The following SETD2 variants were observed in gnomAD, a reference collection of about 807,000 sequenced individuals.
SETD2 encodes the protein SET domain containing 2, histone lysine methyltransferase, also known as histone-lysine N-methyltransferase SETD2.
In SETD2, 31 loss-of-function variants were observed where a neutral mutation model predicts 242.1. That is an observed-to-expected ratio of 0.13 (90% CI 0.10 to 0.17). SETD2 has a LOEUF of 0.17. SETD2 is among the 10% of genes least tolerant of loss of function. The probability of loss-of-function intolerance (pLI) is 1.00; values close to 1 mark genes in which losing one functional copy is unlikely to be tolerated. For missense variants in SETD2, 2,481 were observed against 3,046.3 expected, an observed-to-expected ratio of 0.81 and a Z score of 4.37; for synonymous variants, 1,006 against 1,066.5, an observed-to-expected ratio of 0.94 and a Z score of 1.11.
rs529665591 is a variant in SETD2, at chr3:47,088,487, A to C, written c.5143-240T>G. Among the ~76,000 whole-genome samples the C allele has an allele frequency of 3.4e-3, 291 of 86,634 alleles. 3 individuals carry two copies. Among genetic ancestry groups the C allele is most frequent in the African/African-American group, 0.015 (266 of 17,960 alleles). The allele number at this position is 86,634 out of a possible 152,430, so 56.8% of individuals were successfully genotyped here. ...CATTTCATTCACTCATCAAATACGT[A>C]GCAAGAACTTATATGAGTCAAGTAT... On this transcript the variant is annotated intron_variant, in intron 9 of 20. Transcript: ENST00000409792.
In SETD2 at chr3:47,121,114, T is replaced by C. The variant is rs2106640175; in HGVS notation, c.3522A>G (p.Thr1174=). The C allele has an allele frequency of 6.2e-7, 1 of 1,614,152 alleles. No individual in the cohort carries two copies. The highest frequency in any genetic ancestry group is 8.5e-7 in the Non-Finnish European group (1 of 1,180,010). ...GACCCAGAGGGTCAGATTTCACATC[T>C]GTATGACTTGTACTATCAACCCCAT... ...QSDGVDSTSH[T]DVKSDPLGHP... is the part of the protein sequence containing the mutation. Residue 1174 remains threonine, a synonymous_variant, in exon 3 of 21, where the codon ACA becomes ACG. Transcript: ENST00000409792.
intron 14 of SETD2, among the ~76,000 whole-genome samples, chr3:47,060,349 T>C (rs1301734660): frequency 1.3e-5 from 2 of 151,992 alleles, no homozygotes; most frequent in Admixed American, 1.3e-4. Context: ...GTGGGTAGGG[T>C]TCTAAGGAAG....
intron 1 of SETD2, among the ~76,000 whole-genome samples, chr3:47,127,066 A>G (rs1269391501): frequency 2.6e-5 from 4 of 152,156 alleles, no homozygotes; most frequent in African/African-American, 9.7e-5. Flanking sequence ...AATGCAAAGA[A>G]TTTTTCCTGC....
intron 15 of SETD2, among the ~76,000 whole-genome samples, chr3:47,047,841 C>A (rs2039598302): frequency 6.6e-6 from 1 of 152,140 alleles, no homozygotes. Flanking sequence ...CTGAGAAATG[C>A]ATTGTTAGGA....
chr3:47,119,509 T>C (rs2042988266), intron 3 of SETD2: 1 of 169,050 alleles, frequency 5.9e-6, no homozygotes, highest in South Asian at 1.2e-4. Flanking sequence ...AACTGAATCA[T>C]GGGGGCCGGC....
chr3:47,067,122 C>CA lies in SETD2; in HGVS notation c.6061-5dup. Reference sequence around the variant, plus strand: ...TCTTTGGAATTCGATATACCTCCTGCAAAAAATAAACCAGAGGGAGGGTTA... The same window carrying CA: ...TCTTTGGAATTCGATATACCTCCTGCAAAAAAATAAACCAGAGGGAGGGTTA... On this transcript the variant is annotated splice_polypyrimidine_tract_variant and splice_region_variant and intron_variant, in intron 12 of 20. Transcript: ENST00000409792. The CA allele has an allele frequency of 6.2e-7, 1 of 1,609,552 alleles. No individual in the cohort carries two copies. The highest frequency in any genetic ancestry group is 1.1e-5 in the South Asian group (1 of 90,932).
At chr3:47,050,465 T>C (rs1206597156) in intron 15 of SETD2, among the ~76,000 whole-genome samples, 4 of 152,136 alleles carry the variant, frequency 2.6e-5, no homozygotes, top group Non-Finnish European at 5.9e-5. Context: ...TGTATTTATG[T>C]ACAGGCTGAG....
At chr3:47,131,495 C>A (rs558141082) in intron 1 of SETD2, among the ~76,000 whole-genome samples, 1 of 151,922 alleles carries the variant, frequency 6.6e-6, no homozygotes, top group South Asian at 2.1e-4. Flanking sequence ...AGGCGCCCAC[C>A]ACCACACCCG....
At chr3:47,105,363 T>C (rs887395307) in intron 6 of SETD2, among the ~76,000 whole-genome samples, 1 of 141,796 alleles carries the variant, frequency 7.1e-6, no homozygotes, top group African/African-American at 2.7e-5. Flanking sequence ...TGAGCCAAGA[T>C]GGCACCACTG....
chr3:47,117,238 G>GA (rs939270772), intron 3 of SETD2, among the ~76,000 whole-genome samples: 1 of 114,156 alleles, frequency 8.8e-6, no homozygotes, highest in African/African-American at 3.7e-5. Context: ...TTGTGAGACT[G>GA]AAAATCCTAA....
intron 1 of SETD2, among the ~76,000 whole-genome samples, chr3:47,137,911 A>G (rs1303642541): frequency 6.6e-6 from 1 of 150,506 alleles, no homozygotes; most frequent in Non-Finnish European, 1.5e-5. Flanking sequence ...CTGGTCTCGA[A>G]CTCCTGACCT....
At chr3:47,029,619 C>T (rs1158815666) in intron 18 of SETD2, among the ~76,000 whole-genome samples, 1 of 151,952 alleles carries the variant, frequency 6.6e-6, no homozygotes, top group African/African-American at 2.4e-5. Context: ...TTTGACCTGA[C>T]AGGAAGATAT....
At chr3:47,084,422 T>A (rs1200313507) in intron 11 of SETD2, 40 bp from the exon 12 acceptor site, 3 of 1,348,062 alleles carry the variant, frequency 2.2e-6, no homozygotes, top group Non-Finnish European at 3.0e-6. Context: ...CTTTGTACAG[T>A]TGACTTTTTT....
In SETD2 at chr3:47,122,704, A is replaced by G. The variant is rs2106685303; in HGVS notation, c.1932T>C (p.Asp644=). The change falls in exon 3 of 21, where the codon GAT becomes GAC. Residue 644 remains aspartate, a synonymous_variant. Coordinates refer to ENST00000409792, the MANE Select transcript of SETD2 (RefSeq NM_014159.7). Reference sequence around the variant, plus strand: ...CTAATTCCTTAATACTATCATGGCTATCATGTGTTATAAATTCGGACTTAA... The same window carrying G: ...CTAATTCCTTAATACTATCATGGCTGTCATGTGTTATAAATTCGGACTTAA... ...PIFKSEFITH[D]SHDSIKELDS... is the part of the protein sequence containing the mutation. 2 of 1,612,020 alleles carry G rather than the reference A, an allele frequency of 1.2e-6. No individual in the cohort carries two copies. The highest frequency in any genetic ancestry group is 8.5e-7 in the Non-Finnish European group (1 of 1,179,270).
intron 18 of SETD2, among the ~76,000 whole-genome samples, chr3:47,029,982 C>G (rs986348384): frequency 2.0e-5 from 3 of 151,420 alleles, no homozygotes; most frequent in Non-Finnish European, 4.4e-5. Flanking sequence ...AGGGCAAAAC[C>G]CCATAAAAAT....
chr3:47,100,093 C>T (rs2042152067), intron 8 of SETD2, among the ~76,000 whole-genome samples: 1 of 151,702 alleles, frequency 6.6e-6, no homozygotes, highest in Admixed American at 6.6e-5. Flanking sequence ...CAGGCATGTG[C>T]CACCCCACCT....
Position 47,017,337 on chromosome 3 carries a change from G to A in SETD2, c.7534-83C>T. ...GGGGGAGGACAGGGGTGGTAATCCAGCCTGCTGCTTCAGGGCCCTTCTCAC... is the reference window on the plus strand; with the variant it reads ...GGGGGAGGACAGGGGTGGTAATCCAACCTGCTGCTTCAGGGCCCTTCTCAC... On this transcript the variant is annotated intron_variant, in intron 20 of 20. Transcript: ENST00000409792. The surrounding 1 kb of genome is among the most constrained non-coding windows in gnomAD (Gnocchi z 4.8). The A allele has an allele frequency of 1.4e-6, 2 of 1,473,916 alleles. No homozygotes were observed. Among genetic ancestry groups the A allele is most frequent in the Non-Finnish European group, 1.9e-6 (2 of 1,073,580 alleles). The allele number at this position is 1,473,916 out of a possible 1,614,324, so 91.3% of individuals were successfully genotyped here.
intron 15 of SETD2, chr3:47,046,858 GC>G (rs1279741361): frequency 7.2e-6 from 2 of 277,550 alleles, no homozygotes; most frequent in East Asian, 1.2e-4. Flanking sequence ...GAAAATAAAA[GC>G]TTTTTTTTTT....
intron 7 of SETD2, 78 bp from the exon 8 acceptor site, chr3:47,101,633 T>TGTGTGTGTGTGTGTGC (rs1553694870): frequency 1.5e-6 from 1 of 669,324 alleles, no homozygotes; most frequent in African/African-American, 1.9e-5. Flanking sequence ...TGTGTGTGTG[T>TGTGTGTGTGTGTGTGC]GCGCATATAT....
Sources: allele counts gnomAD v4.1 joint callset (sites outside exome capture counted in the v4.1 genomes callset), GRCh38; gene constraint gnomAD v4.1.1; non-coding constraint Gnocchi (gnomAD v3.1); transcripts MANE v1.5; gene names NCBI Gene and HGNC (gene_info 2026-07-23, HGNC 2026-07-21).